Variants in TMEM135 observed in about 807,000 individuals in gnomAD.
The protein encoded by TMEM135 is peroxisomal membrane protein 52.
Under a neutral mutation model 60.3 loss-of-function variants are expected in TMEM135, and 30 were observed. The observed-to-expected ratio is 0.50, with a 90% CI of 0.37 to 0.68. TMEM135 has a LOEUF of 0.68. TMEM135 is among the 30% of genes least tolerant of loss of function. The probability of loss-of-function intolerance (pLI) is 0.00; values close to 1 mark genes in which losing one functional copy is unlikely to be tolerated. For missense variants in TMEM135, 468 were observed against 548.8 expected, an observed-to-expected ratio of 0.85 and a Z score of 1.47; for synonymous variants, 190 against 186.7, an observed-to-expected ratio of 1.02 and a Z score of -0.14.
chr11:87,244,097 T>G (rs1417196541), intron 6 of TMEM135, among the ~76,000 whole-genome samples: 5 of 82,492 alleles, frequency 6.1e-5, no homozygotes, highest in African/African-American at 1.4e-4. Flanking sequence ...TTTCTGCATC[T>G]ATTGAGATAA....
At chr11:87,149,906 A>G (rs938078968) in intron 4 of TMEM135, among the ~76,000 whole-genome samples, 71 of 152,196 alleles carry the variant, frequency 4.7e-4, no homozygotes, top group African/African-American at 1.6e-3. Context: ...GTAATTAAAT[A>G]TTTACATGTA....
chr11:87,043,655 G>A (rs985948908), intron 1 of TMEM135, among the ~76,000 whole-genome samples: 4 of 151,934 alleles, frequency 2.6e-5, no homozygotes, highest in African/African-American at 9.7e-5. Context: ...CCTGGGAGGC[G>A]GAGGTTGTAC....
At chr11:87,041,230 A>T (rs1419521556) in intron 1 of TMEM135, among the ~76,000 whole-genome samples, 1 of 151,996 alleles carries the variant, frequency 6.6e-6, no homozygotes, top group Non-Finnish European at 1.5e-5. Context: ...TAGAGACATT[A>T]AGTGATTCAC....
At chr11:87,319,027 C>G (rs1168173179) in intron 13 of TMEM135, 1 of 327,242 alleles carries the variant, frequency 3.1e-6, no homozygotes, top group Non-Finnish European at 5.8e-6. Context: ...CACCACCACG[C>G]CTGGCTAATT....
chr11:87,286,296 A>AAAGG (rs34946307), intron 6 of TMEM135, among the ~76,000 whole-genome samples: 52,883 of 147,134 alleles, frequency 0.36, 10,339 homozygotes, highest in Non-Finnish European at 0.43. Context: ...AGCTAGACAT[A>AAAGG]TTCTCCAAGT....
chr11:87,203,517 T>C, intron 5 of TMEM135, among the ~76,000 whole-genome samples: 1 of 152,192 alleles, frequency 6.6e-6, no homozygotes, highest in Non-Finnish European at 1.5e-5. Flanking sequence ...TTCCTCCATG[T>C]CTTTTCATGG....
At chr11:87,191,403 G>T (rs1939795954) in intron 5 of TMEM135, among the ~76,000 whole-genome samples, 2 of 152,008 alleles carry the variant, frequency 1.3e-5, no homozygotes, top group South Asian at 4.2e-4. Flanking sequence ...ACCACGCCCG[G>T]CTAATATTTT....
At chr11:87,213,196 A>C (rs1234494770) in intron 5 of TMEM135, among the ~76,000 whole-genome samples, 2 of 152,152 alleles carry the variant, frequency 1.3e-5, no homozygotes, top group Admixed American at 1.3e-4. Flanking sequence ...TAGTGTAATT[A>C]GGTGTTTATA....
intron 4 of TMEM135, among the ~76,000 whole-genome samples, chr11:87,136,984 A>G (rs930239848): frequency 2.6e-5 from 4 of 152,044 alleles, no homozygotes; most frequent in East Asian, 1.9e-4. Flanking sequence ...ATAAACATCA[A>G]TTAGATCAAG....
intron 4 of TMEM135, among the ~76,000 whole-genome samples, chr11:87,135,965 T>G (rs1217027429): frequency 6.6e-6 from 1 of 152,052 alleles, no homozygotes; most frequent in Non-Finnish European, 1.5e-5. Context: ...TTTGTTAAAC[T>G]TAACCACAAG....
At chr11:87,198,477 GT>G (rs2135326871) in intron 5 of TMEM135, among the ~76,000 whole-genome samples, 1 of 152,070 alleles carries the variant, frequency 6.6e-6, no homozygotes, top group Admixed American at 6.5e-5. Context: ...GTCTGAGGTT[GT>G]TTTTTGTTAG....
chr11:87,050,337 A>C (rs1484075085), intron 1 of TMEM135, among the ~76,000 whole-genome samples: 38 of 29,904 alleles, frequency 1.3e-3, no homozygotes, highest in African/African-American at 9.7e-3. Context: ...TGAAGGAAAT[A>C]GAGACACAAA....
rs370382656 is a variant in TMEM135 at position 87,047,883 on chromosome 11, C to T, written c.141+9697C>T. On this transcript the variant is annotated intron_variant, in intron 1 of 14. Coordinates refer to ENST00000305494, the MANE Select transcript of TMEM135 (RefSeq NM_022918.4). ...GGCAGGGCACAGTCAAACAAAAAGA[C>T]AGCAGTAACCTCTGCAGACTTAAGT... is the stretch of plus-strand genomic sequence containing the variant. Among the ~76,000 whole-genome samples, 8 of 121,386 alleles carry T rather than the reference C, an allele frequency of 6.6e-5. 1 individual carries two copies. The highest frequency in any genetic ancestry group is 1.2e-4 in the Non-Finnish European group (7 of 58,812). 79.6% of individuals were successfully genotyped at this position (121,386 alleles called of 152,430 possible).
chr11:87,072,242 A>C (rs1337820735), intron 3 of TMEM135, among the ~76,000 whole-genome samples: 1 of 152,162 alleles, frequency 6.6e-6, no homozygotes, highest in Admixed American at 6.5e-5. Flanking sequence ...GATTTTTTCC[A>C]TAGCCATAAT....
At chr11:87,173,801 A>G (rs756740419) in intron 5 of TMEM135, among the ~76,000 whole-genome samples, 1 of 152,176 alleles carries the variant, frequency 6.6e-6, no homozygotes, top group Non-Finnish European at 1.5e-5. Flanking sequence ...TACTAATAGC[A>G]GTGTTATTGG....
rs540507397 is a variant in TMEM135 at position 87,183,683 on chromosome 11, C to T, written c.462+26277C>T. 8.9e-3 allele frequency among the ~76,000 whole-genome samples: 1,356 copies of T among 151,884 alleles called. 10 individuals carry two copies. The highest frequency in any genetic ancestry group is 0.014 in the Middle Eastern group (4 of 294). On this transcript the variant is annotated intron_variant, in intron 5 of 14. Coordinates refer to ENST00000305494, the MANE Select transcript of TMEM135 (RefSeq NM_022918.4). ...TGTGTTTAAAAATTCTGGCCAGGTG[C>T]GGTGGCTCACGCCTGTAATCCCAGC... is the stretch of plus-strand genomic sequence containing the variant.
At chr11:87,320,353 G>A (rs1051530476) in intron 14 of TMEM135, among the ~76,000 whole-genome samples, 3 of 152,146 alleles carry the variant, frequency 2.0e-5, no homozygotes, top group African/African-American at 7.2e-5. Flanking sequence ...TGTCACTGTA[G>A]ATCCTTTACA....
At chr11:87,214,666 C>T (rs1359652984) in intron 5 of TMEM135, among the ~76,000 whole-genome samples, 1 of 151,410 alleles carries the variant, frequency 6.6e-6, no homozygotes, top group African/African-American at 2.4e-5. Flanking sequence ...TGGTTTTATT[C>T]TGAGTATTTA....
chr11:87,107,593 C>T (rs894390919), intron 4 of TMEM135, among the ~76,000 whole-genome samples: 2 of 152,144 alleles, frequency 1.3e-5, no homozygotes, highest in Admixed American at 6.5e-5. Flanking sequence ...AGGACATGAA[C>T]TCATCTTTTT....
Sources: gnomAD v4.1 joint callset for allele counts (sites outside exome capture counted in the v4.1 genomes callset) on GRCh38, gnomAD v4.1.1 for gene constraint, MANE v1.5 for transcripts, NCBI Gene and HGNC (gene_info 2026-07-23, HGNC 2026-07-21) for gene names.